Variants in ESR1 observed in about 807,000 individuals in gnomAD.
The protein encoded by ESR1 is estrogen receptor.
Under a neutral mutation model 52.7 loss-of-function variants are expected in ESR1, and 12 were observed. The ratio of observed to expected loss-of-function variants is 0.23; its 90% confidence interval spans 0.15 to 0.37. The LOEUF is 0.37. ESR1 is among the 10% of genes least tolerant of loss of function. The probability of loss-of-function intolerance (pLI) is 1.00; values close to 1 mark genes in which losing one functional copy is unlikely to be tolerated. For missense variants in ESR1, 584 were observed against 779.7 expected, an observed-to-expected ratio of 0.75 and a Z score of 2.99; for synonymous variants, 305 against 316.8, an observed-to-expected ratio of 0.96 and a Z score of 0.39.
intron 5 of ESR1, among the ~76,000 whole-genome samples, chr6:152,050,830 T>C (rs1012787684): frequency 3.9e-5 from 6 of 152,220 alleles, no homozygotes; most frequent in African/African-American, 9.6e-5. Flanking sequence ...GGGTCCTGGG[T>C]AATTTTTCAA....
At position 152,122,781 on chromosome 6, in the gene ESR1, A is replaced by G. The variant is rs1047104352; in HGVS notation, c.851-2485A>G. 4 of 1,560,230 alleles carry G rather than the reference A, an allele frequency of 2.6e-6. No homozygotes were observed. The African/African-American group carries it at 4.1e-5, about 16-fold the overall frequency. On this transcript the variant is annotated intron_variant, in intron 6 of 6. Coordinates refer to the ESR1 transcript ENST00000427531. Reference sequence around the variant, plus strand: ...GAAGCTAAAGGGCCATGCCAAGCACACCCCAGCCTGGCGATCAGCTGCCAG... The same window carrying G: ...GAAGCTAAAGGGCCATGCCAAGCACGCCCCAGCCTGGCGATCAGCTGCCAG...
intron 5 of ESR1, among the ~76,000 whole-genome samples, chr6:152,018,710 C>T (rs957222935): frequency 3.9e-5 from 6 of 152,164 alleles, no homozygotes; most frequent in South Asian, 4.2e-4. Context: ...ATTCCACCAT[C>T]GCTTTCCAGG....
chr6:151,668,329 A>G (rs1278113636), intron 1 of ESR1, among the ~76,000 whole-genome samples: 2 of 151,840 alleles, frequency 1.3e-5, no homozygotes, highest in Admixed American at 6.5e-5. Context: ...CCCAGGCTGG[A>G]GTGCAGTGGC....
At chr6:151,931,722 G>A (rs913023849) in intron 3 of ESR1, among the ~76,000 whole-genome samples, 5 of 146,262 alleles carry the variant, frequency 3.4e-5, no homozygotes, top group African/African-American at 7.6e-5. Flanking sequence ...TTGTTCTTGC[G>A]ATAGTTTACT....
At chr6:151,950,944 G>A (rs905187970) in intron 4 of ESR1, among the ~76,000 whole-genome samples, 6 of 151,784 alleles carry the variant, frequency 4.0e-5, no homozygotes, top group African/African-American at 1.5e-4. Flanking sequence ...GATTTAAGGA[G>A]GAAGGTTTGG....
intron 2 of ESR1, among the ~76,000 whole-genome samples, chr6:151,862,759 T>C (rs1789118138): frequency 6.6e-6 from 1 of 152,140 alleles, no homozygotes; most frequent in Admixed American, 6.6e-5. Context: ...CTATTCTGTG[T>C]GAAAGAACTG....
At chr6:151,729,804 G>A (rs1228271384) in intron 2 of ESR1, among the ~76,000 whole-genome samples, 1 of 152,142 alleles carries the variant, frequency 6.6e-6, no homozygotes, top group Non-Finnish European at 1.5e-5. Context: ...GGAATTAAGA[G>A]AGCTTGGGTG....
chr6:151,970,440 G>A (rs1179540930), intron 4 of ESR1, among the ~76,000 whole-genome samples: 4 of 152,134 alleles, frequency 2.6e-5, no homozygotes, highest in South Asian at 2.1e-4. Context: ...TCCCTTCAAG[G>A]TTGAGTCTTT....
intron 1 of ESR1, among the ~76,000 whole-genome samples, chr6:151,681,049 T>A (rs768263748): frequency 1.3e-4 from 20 of 152,302 alleles, no homozygotes; most frequent in Non-Finnish European, 2.6e-4. Flanking sequence ...CCCTGCCAGC[T>A]GCCTGGGATG....
intron 6 of ESR1, among the ~76,000 whole-genome samples, chr6:152,081,734 C>T (rs2049236205): frequency 6.6e-6 from 1 of 151,640 alleles, no homozygotes; most frequent in Non-Finnish European, 1.5e-5. Context: ...ACTAGCAAGA[C>T]TAATAAAGAA....
intron 5 of ESR1, among the ~76,000 whole-genome samples, chr6:152,035,192 A>G (rs2045179137): frequency 1.3e-5 from 2 of 152,126 alleles, no homozygotes; most frequent in South Asian, 2.1e-4. Context: ...GCTAATATAC[A>G]ATCCCACCAA....
chr6:151,944,409 C>T lies in ESR1; in HGVS notation c.997C>T (p.Pro333Ser), dbSNP rs2128528708. The change falls in exon 4 of 8, where the codon CCT becomes TCT. Residue 333 changes from proline (P) to serine (S), a missense_variant. Pro to Ser is a moderately conservative substitution (Grantham distance 74, BLOSUM62 -1). Transcript: ENST00000206249. The part of the protein sequence containing the change: ...EPPILYSEYD[P>S]TRPFSEASMM... ...CCCGATACTCTATTCCGAGTATGAT[C>T]CTACCAGACCCTTCAGTGAAGCTTC... is the stretch of plus-strand genomic sequence containing the variant. The T allele has an allele frequency of 6.2e-7, 1 of 1,614,016 alleles. No individual in the cohort carries two copies. Among genetic ancestry groups the T allele is most frequent in the East Asian group, 2.2e-5 (1 of 44,870 alleles).
In ESR1 at chr6:151,909,636, A is replaced by G. The variant is rs151233726; in HGVS notation, c.760+28865A>G. Among the ~76,000 whole-genome samples the G allele has an allele frequency of 2.0e-3, 305 of 152,252 alleles. 4 individuals carry two copies. The highest frequency in any genetic ancestry group is 9.9e-4 in the Non-Finnish European group (67 of 68,010). On this transcript the variant is annotated intron_variant, in intron 3 of 7. Transcript: ENST00000206249. ...GTCTGTTCCTGGAAGAAGCATGGGT[A>G]AATGTCATCAAAGGTTCCCTCAGCC...
At chr6:152,011,094 C>CT (rs748837772) in intron 4 of ESR1, among the ~76,000 whole-genome samples, 1 of 151,994 alleles carries the variant, frequency 6.6e-6, no homozygotes, top group African/African-American at 2.4e-5. Flanking sequence ...ATAATGTCAC[C>CT]TTTTTTTCCA....
At chr6:152,045,580 T>C (rs2046164953) in intron 5 of ESR1, among the ~76,000 whole-genome samples, 1 of 152,188 alleles carries the variant, frequency 6.6e-6, no homozygotes, top group South Asian at 2.1e-4. Flanking sequence ...CCTCAGTTTT[T>C]TGTTTTTTGT....
chr6:151,728,166 A>G (rs1349440579), intron 2 of ESR1, among the ~76,000 whole-genome samples: 2 of 152,156 alleles, frequency 1.3e-5, no homozygotes, highest in Admixed American at 6.6e-5. Flanking sequence ...CTTATGTGGC[A>G]GGGGACCTTA....
chr6:151,742,952 T>G (rs914635227), intron 2 of ESR1, among the ~76,000 whole-genome samples: 2 of 152,232 alleles, frequency 1.3e-5, no homozygotes, highest in African/African-American at 4.8e-5. Flanking sequence ...TGAATGGTGC[T>G]TAATATGAAG....
intron 3 of ESR1, among the ~76,000 whole-genome samples, chr6:151,913,931 G>A (rs993656185): frequency 1.8e-4 from 27 of 151,870 alleles, no homozygotes; most frequent in African/African-American, 6.3e-4. Flanking sequence ...AATTATTCTT[G>A]TTTTCATTCA....
At chr6:152,007,382 G>A (rs894261498) in intron 4 of ESR1, among the ~76,000 whole-genome samples, 2 of 152,000 alleles carry the variant, frequency 1.3e-5, no homozygotes, top group African/African-American at 4.8e-5. Context: ...TCTGTGCTTG[G>A]TGATGAAGCT....
Sources: gnomAD v4.1 joint callset for allele counts (sites outside exome capture counted in the v4.1 genomes callset) on GRCh38, gnomAD v4.1.1 for gene constraint, MANE v1.5 for transcripts, NCBI Gene and HGNC (gene_info 2026-07-23, HGNC 2026-07-21) for gene names.